CLEC2A: variants seen among roughly 807,000 people sequenced by gnomAD.
CLEC2A encodes C-type lectin domain family 2 member A.
Under a neutral mutation model 18.6 loss-of-function variants are expected in CLEC2A, and 19 were observed. That is an observed-to-expected ratio of 1.02 (90% CI 0.71 to 1.50). The LOEUF is 1.50. Ranked by LOEUF, CLEC2A falls within the 40% of genes most tolerant of loss-of-function variation. The pLI is 0.00. For synonymous variants in CLEC2A, 74 were observed against 64.0 expected (o/e 1.16, Z -0.75); for missense variants, 190 against 207.9 (o/e 0.91, Z 0.53).
intron 2 of CLEC2A, among the ~76,000 whole-genome samples, chr12:9,922,434 A>G (rs1458870321): frequency 1.3e-5 from 2 of 152,086 alleles, no homozygotes; most frequent in Admixed American, 6.6e-5. Flanking sequence ...ACTTTTTTCT[A>G]TTTCCCTGGC....
At chr12:9,892,899 T>G in the CLEC2A span, 1 of 798,206 alleles carries the variant, frequency 1.3e-6, no homozygotes. Context: ...TCCTTTTTAT[T>G]GACCAAAAAA....
intron 4 of CLEC2A, among the ~76,000 whole-genome samples, chr12:9,913,897 G>A (rs1472480157): frequency 6.6e-6 from 1 of 152,146 alleles, no homozygotes; most frequent in African/African-American, 2.4e-5. Context: ...ACCCTATTTA[G>A]AACAACTTGT....
chr12:9,926,174 G>T, intron 2 of CLEC2A, 86 bp downstream of exon 2: 1 of 792,652 alleles, frequency 1.3e-6, no homozygotes, highest in South Asian at 1.7e-5. Context: ...CACTCTAGAT[G>T]TGGGAGATTT....
chr12:9,909,109 G>C (rs1862945147), downstream of CLEC2A, among the ~76,000 whole-genome samples: 1 of 152,062 alleles, frequency 6.6e-6, no homozygotes, highest in East Asian at 1.9e-4. Context: ...CTTGTCCTAG[G>C]GGATCTTATA....
At chr12:9,917,477 C>T (rs1296669685) in intron 3 of CLEC2A, among the ~76,000 whole-genome samples, 4 of 152,158 alleles carry the variant, frequency 2.6e-5, no homozygotes, top group Non-Finnish European at 2.9e-5. Flanking sequence ...CTGTGTTAAA[C>T]AGAACAATTA....
At chr12:9,894,248 C>T (rs897920272), downstream of CLEC2A, among the ~76,000 whole-genome samples, 3 of 150,158 alleles carry the variant, frequency 2.0e-5, no homozygotes, top group East Asian at 5.9e-4. Context: ...GTGGCATGAT[C>T]GTGGCTTACT....
the CLEC2A span, among the ~76,000 whole-genome samples, chr12:9,890,090 C>G: frequency 6.6e-6 from 1 of 152,068 alleles, no homozygotes; most frequent in Non-Finnish European, 1.5e-5. Context: ...TCATCACTCC[C>G]TCAAACTAGA....
rs1057342933 is a variant in CLEC2A at position 9,916,760 on chromosome 12, C to T, written c.350G>A (p.Gly117Glu). The change falls in exon 4 of 5, where the codon GGA (glycine) becomes GAA (glutamate). Residue 117 changes from glycine (G) to glutamate (E), a missense_variant. By Grantham distance (98) the Gly-to-Glu change is moderately conservative. Transcript: ENST00000455827. ...AGAATCTCCTTGTTTCCTGCTTAGT[C>T]CAATCCAGTGCATATCAGTTCCTGC... ...RYAGTDMHWI[G>E]LSRKQGDSWK... The T allele has an allele frequency of 6.4e-7, 1 of 1,551,380 alleles. No individual in the cohort carries two copies. Among genetic ancestry groups the T allele is most frequent in the East Asian group, 2.4e-5 (1 of 40,888 alleles).
chr12:9,916,609 G>A, intron 4 of CLEC2A, 91 bp downstream of exon 4: 1 of 856,060 alleles, frequency 1.2e-6, no homozygotes, highest in Non-Finnish European at 1.9e-6. Context: ...AAAACAGAAA[G>A]ATTTGTTTAT....
chr12:9,910,533 C>A (rs1392838245), downstream of CLEC2A, among the ~76,000 whole-genome samples: 1 of 152,162 alleles, frequency 6.6e-6, no homozygotes, highest in Non-Finnish European at 1.5e-5. Flanking sequence ...CTCCTAGAAG[C>A]TTAGCTCCCC....
At chr12:9,883,238 C>T in the CLEC2A span, among the ~76,000 whole-genome samples, 3 of 152,120 alleles carry the variant, frequency 2.0e-5, no homozygotes, top group Non-Finnish European at 2.9e-5. Flanking sequence ...TAATCTTGAT[C>T]CTAAATCAGA....
chr12:9,911,745 G>GTATACACA (rs1347162465), downstream of CLEC2A, among the ~76,000 whole-genome samples: 1 of 152,126 alleles, frequency 6.6e-6, no homozygotes, highest in Non-Finnish European at 1.5e-5. Context: ...ATCACACACA[G>GTATACACA]TATACACACA....
intron 3 of CLEC2A, among the ~76,000 whole-genome samples, chr12:9,917,641 A>G (rs903976152): frequency 6.6e-6 from 1 of 151,154 alleles, no homozygotes; most frequent in South Asian, 2.1e-4. Flanking sequence ...ACACCACCGC[A>G]ACCATTGTTG....
At chr12:9,917,783 T>C (rs532677784) in intron 3 of CLEC2A, among the ~76,000 whole-genome samples, 7 of 152,226 alleles carry the variant, frequency 4.6e-5, no homozygotes, top group Non-Finnish European at 7.4e-5. Flanking sequence ...TTTGACTTTT[T>C]AATAATATCC....
At chr12:9,888,470 A>G in the CLEC2A span, among the ~76,000 whole-genome samples, 1 of 152,114 alleles carries the variant, frequency 6.6e-6, no homozygotes, top group Admixed American at 6.5e-5. Flanking sequence ...AGCCTGGGCA[A>G]CAGAGTGAGA....
rs913165952 is a variant in CLEC2A at position 9,913,601 on chromosome 12, T to C, written c.490A>G (p.Lys164Glu). The change falls in exon 5 of 5, where the codon AAG becomes GAG. Residue 164 changes from lysine to glutamate, a missense_variant. Transcript: ENST00000455827. Reference protein sequence around the residue: ...VHSSRGFIDIKWICSKPKYFL With the variant: ...VHSSRGFIDIEWICSKPKYFL The stretch of plus-strand genomic sequence containing the variant: ...TATTTAGGTTTGCTGCAAATCCACT[T>C]GATATCAATAAATCCTCTGGAACTA... 3 of 1,549,892 alleles carry C rather than the reference T, an allele frequency of 1.9e-6. No individual in the cohort carries two copies. Among genetic ancestry groups the C allele is most frequent in the African/African-American group, 1.4e-5 (1 of 73,134 alleles).
At chr12:9,880,130 G>T in the CLEC2A span, among the ~76,000 whole-genome samples, 1 of 152,200 alleles carries the variant, frequency 6.6e-6, no homozygotes, top group Admixed American at 6.5e-5. Context: ...CAGAAGTGAA[G>T]GTAAGTCTTC....
At chr12:9,916,573 G>T in intron 4 of CLEC2A, 127 bp downstream of exon 4, 1 of 689,956 alleles carries the variant, frequency 1.4e-6, no homozygotes, top group Non-Finnish European at 2.5e-6. Flanking sequence ...TCATCGATTG[G>T]AGACTGAAAA....
At chr12:9,880,042 T>G in the CLEC2A span, among the ~76,000 whole-genome samples, 3 of 152,074 alleles carry the variant, frequency 2.0e-5, no homozygotes, top group South Asian at 6.2e-4. Context: ...AAAAATAAGT[T>G]TATCAGTGGT....
Sources: gnomAD v4.1 joint callset for allele counts (sites outside exome capture counted in the v4.1 genomes callset) on GRCh38, gnomAD v4.1.1 for gene constraint, MANE v1.5 for transcripts, NCBI Gene and HGNC (gene_info 2026-07-23, HGNC 2026-07-21) for gene names.